DNER: variants seen among roughly 807,000 people sequenced by gnomAD.
DNER encodes the protein delta/notch like EGF repeat containing.
Under a neutral mutation model 78.2 loss-of-function variants are expected in DNER, and 33 were observed. That is an observed-to-expected ratio of 0.42 (90% CI 0.32 to 0.56). The LOEUF (loss-of-function observed/expected upper bound fraction) is 0.56. DNER is among the 20% of genes least tolerant of loss of function. The pLI, the probability that DNER is intolerant of heterozygous loss-of-function variation, is 0.11. For synonymous variants in DNER, 417 were observed against 384.8 expected (o/e 1.08, Z -0.98); for missense variants, 918 against 975.3 (o/e 0.94, Z 0.78).
intron 3 of DNER, chr2:229,586,818 GAGA>G: frequency 1.0e-6 from 1 of 985,858 alleles, no homozygotes; most frequent in Non-Finnish European, 1.2e-6. Flanking sequence ...AGTGCTCCTG[GAGA>G]AGATCACAGT....
At chr2:229,491,187 A>G (rs1695391213) in intron 6 of DNER, among the ~76,000 whole-genome samples, 2 of 152,190 alleles carry the variant, frequency 1.3e-5, no homozygotes, top group Admixed American at 1.3e-4. Context: ...CGCTGGGCAT[A>G]TTCCTGCATC....
At chr2:229,507,899 T>C (rs1205945264) in intron 6 of DNER, among the ~76,000 whole-genome samples, 1 of 152,194 alleles carries the variant, frequency 6.6e-6, no homozygotes, top group African/African-American at 2.4e-5. Context: ...TTGAGAAATA[T>C]AATGTCTATT....
chr2:229,461,638 A>G (rs1694704212), intron 7 of DNER, among the ~76,000 whole-genome samples: 1 of 152,128 alleles, frequency 6.6e-6, no homozygotes, highest in Non-Finnish European at 1.5e-5. Context: ...AAATGACTAA[A>G]GGATTAATAA....
At chr2:229,455,753 T>C (rs908981989) in intron 7 of DNER, among the ~76,000 whole-genome samples, 3 of 152,134 alleles carry the variant, frequency 2.0e-5, no homozygotes, top group African/African-American at 4.8e-5. Flanking sequence ...TGTTTGTTAA[T>C]AGCAAACACT....
At chr2:229,692,324 A>T (rs1548940) in intron 1 of DNER, among the ~76,000 whole-genome samples, 30,460 of 152,124 alleles carry the variant, frequency 0.2, 3,363 homozygotes, top group East Asian at 0.36. Flanking sequence ...TGCTTAGTGC[A>T]TGCATATTTA....
chr2:229,579,141 C>G (rs1302356336), intron 4 of DNER, among the ~76,000 whole-genome samples: 2 of 152,218 alleles, frequency 1.3e-5, no homozygotes, highest in African/African-American at 4.8e-5. Flanking sequence ...AAATGCCACA[C>G]ACACACTGCC....
intron 7 of DNER, among the ~76,000 whole-genome samples, chr2:229,475,449 C>T (rs901279649): frequency 4.0e-5 from 6 of 148,778 alleles, no homozygotes; most frequent in Non-Finnish European, 9.0e-5. Context: ...ACATGGGAGT[C>T]TCTCCCAGCT....
chr2:229,513,052 A>G, intron 5 of DNER, 116 bp from the exon 6 acceptor site: 1 of 1,158,254 alleles, frequency 8.6e-7, no homozygotes, highest in African/African-American at 1.5e-5. Flanking sequence ...CAATTTAATC[A>G]AATCACTTAT....
At chr2:229,394,068 A>G (rs974802963) in intron 10 of DNER, among the ~76,000 whole-genome samples, 3 of 152,174 alleles carry the variant, frequency 2.0e-5, no homozygotes, top group African/African-American at 7.2e-5. Flanking sequence ...GATAAACACA[A>G]GAAAACCACA....
chr2:229,447,367 G>A lies in DNER; in HGVS notation c.1435C>T (p.His479Tyr). Residue 479 changes from histidine (H) to tyrosine (Y), a missense_variant, in exon 8 of 13, where the codon CAT (histidine) becomes TAT (tyrosine). Physicochemically the swap from His to Tyr is moderately conservative, Grantham distance 83 (BLOSUM62 2). Transcript: ENST00000341772. The part of the protein sequence containing the change: ...IDFCALSPCA[H>Y]GTCRSVGTSY... ...GTGCCCACGCTGCGGCACGTGCCAT[G>A]AGCACAGGGGCTGAGGGCACAGAAG... 1 of 1,612,616 alleles carries A rather than the reference G, an allele frequency of 6.2e-7. No homozygotes were observed. The highest frequency in any genetic ancestry group is 2.2e-5 in the East Asian group (1 of 44,818).
intron 1 of DNER, among the ~76,000 whole-genome samples, chr2:229,639,568 T>C (rs1426489232): frequency 6.6e-6 from 1 of 152,202 alleles, no homozygotes; most frequent in Non-Finnish European, 1.5e-5. Flanking sequence ...CCAACCATTT[T>C]AAATATTTTG....
Position 229,407,235 on chromosome 2 carries a change from T to C in DNER, c.1720A>G (p.Thr574Ala), listed in dbSNP as rs542147866. 1.2e-6 allele frequency: 2 copies of C among 1,606,878 alleles called. No individual in the cohort carries two copies. The highest frequency in any genetic ancestry group is 2.2e-5 in the South Asian group (2 of 90,850). The part of the protein sequence containing the change: ...NGTCICAPGF[T>A]GEECDIDINE... ...CTCAGTCCCTGGAATCACTTGCCTGTAAACCCGGGTGCACAGATGCACGTG... is the reference window on the plus strand; with the variant it reads ...CTCAGTCCCTGGAATCACTTGCCTGCAAACCCGGGTGCACAGATGCACGTG... The change falls in exon 10 of 13, where the codon ACA becomes GCA. Residue 574 changes from threonine to alanine, a missense_variant. Coordinates refer to ENST00000341772, the MANE Select transcript of DNER (RefSeq NM_139072.4).
intron 1 of DNER, among the ~76,000 whole-genome samples, chr2:229,636,374 A>G (rs1194027341): frequency 6.6e-6 from 1 of 152,232 alleles, no homozygotes; most frequent in African/African-American, 2.4e-5. Flanking sequence ...AACTGGCACA[A>G]AAAGTCCTAT....
intron 7 of DNER, among the ~76,000 whole-genome samples, chr2:229,450,945 T>C (rs1231618018): frequency 6.6e-6 from 1 of 152,196 alleles, no homozygotes; most frequent in Non-Finnish European, 1.5e-5. Flanking sequence ...GAAGCGATAA[T>C]TAGGATCTTG....
intron 5 of DNER, among the ~76,000 whole-genome samples, chr2:229,535,580 T>G (rs1364594656): frequency 6.6e-6 from 1 of 152,096 alleles, no homozygotes; most frequent in African/African-American, 2.4e-5. Flanking sequence ...CTTGGACACA[T>G]GTAACTGGTC....
intron 1 of DNER, among the ~76,000 whole-genome samples, chr2:229,621,320 T>C (rs1698247883): frequency 6.6e-6 from 1 of 152,158 alleles, no homozygotes; most frequent in Admixed American, 6.5e-5. Context: ...GCGTTGAAAA[T>C]TGTATTCACC....
At chr2:229,452,877 C>T (rs1694491019) in intron 7 of DNER, among the ~76,000 whole-genome samples, 1 of 152,244 alleles carries the variant, frequency 6.6e-6, no homozygotes, top group South Asian at 2.1e-4. Flanking sequence ...ATCCACTCGC[C>T]TCAGCCTCCC....
chr2:229,684,171 T>A (rs4973217), intron 1 of DNER, among the ~76,000 whole-genome samples: 6,750 of 83,704 alleles, frequency 0.081, 142 homozygotes, highest in Non-Finnish European at 0.099. Flanking sequence ...AGAGAGAGAG[T>A]GTGTGTGTGT....
rs144022378 is a variant in DNER at position 229,428,166 on chromosome 2, G to T, written c.1487-9936C>A. On this transcript the variant is annotated intron_variant, in intron 8 of 12. Coordinates refer to ENST00000341772, the MANE Select transcript of DNER (RefSeq NM_139072.4). ...GTATCTTTCATGTGGGTGGTGGGGG[G>T]ATACAAAATCAGATTTGCATTTCAG... 6.9e-3 allele frequency among the ~76,000 whole-genome samples: 1,053 copies of T among 151,588 alleles called. 4 individuals carry two copies. The highest frequency in any genetic ancestry group is 0.01 in the Non-Finnish European group (708 of 67,984).
Sources: gnomAD v4.1 joint callset for allele counts (sites outside exome capture counted in the v4.1 genomes callset) on GRCh38, gnomAD v4.1.1 for gene constraint, MANE v1.5 for transcripts, NCBI Gene and HGNC (gene_info 2026-07-23, HGNC 2026-07-21) for gene names.